Variants in ESYT3 observed in about 807,000 individuals in gnomAD.
ESYT3 encodes extended synaptotagmin-3.
ESYT3 carries 101 observed loss-of-function variants against 111.5 expected under a neutral mutation model. That is an observed-to-expected ratio of 0.91 (90% CI 0.77 to 1.07). The LOEUF (loss-of-function observed/expected upper bound fraction) is 1.07. Among genes scored for constraint, ESYT3 ranks in the 50% least tolerant of loss-of-function variants. The probability of loss-of-function intolerance (pLI) is 0.00; values close to 1 mark genes in which losing one functional copy is unlikely to be tolerated. For missense variants in ESYT3, 1,097 were observed against 1,109.4 expected, an observed-to-expected ratio of 0.99 and a Z score of 0.16; for synonymous variants, 416 against 446.8, an observed-to-expected ratio of 0.93 and a Z score of 0.87.
chr3:138,468,752 G>A lies in ESYT3; in HGVS notation c.1371+35G>A, dbSNP rs772602400. 16 of 1,613,424 alleles carry A rather than the reference G, an allele frequency of 9.9e-6. No individual in the cohort carries two copies. The South Asian group carries it at 1.1e-4, about 11-fold the overall frequency. On this transcript the variant is annotated intron_variant, in intron 13 of 22. Transcript: ENST00000389567. The stretch of plus-strand genomic sequence containing the variant: ...GACATGTCCAGAGTGTCACACAAAC[G>A]CAACAAAGTGCCCATCACTTTCAAA...
intron 21 of ESYT3, 57 bp from the exon 22 acceptor site, chr3:138,476,386 A>G: frequency 1.2e-6 from 2 of 1,605,094 alleles, no homozygotes; most frequent in Non-Finnish European, 1.7e-6. Flanking sequence ...GCCTTATCCC[A>G]ATTTCTTTCC....
In ESYT3 at chr3:138,477,249, C is replaced by A. The variant is rs2033528280; in HGVS notation, c.*395C>A. The A allele has an allele frequency of 6.3e-6, 1 of 159,088 alleles. No individual in the cohort carries two copies. The allele number at this position is 159,088 out of a possible 1,614,324, so 9.9% of individuals were successfully genotyped here. A position where few individuals can be genotyped will look rare whatever the true frequency, so the allele number is the denominator to read the frequency against. On this transcript the variant is annotated 3_prime_UTR_variant, in exon 23 of 23. Coordinates refer to ENST00000389567, the MANE Select transcript of ESYT3 (RefSeq NM_031913.5). ...AAGTGTCCTGCCTCTGGCATAGGGG[C>A]TGGGGGAGGTCTGTTTCTGGAGCCA...
intron 3 of ESYT3, 114 bp downstream of exon 3, chr3:138,455,442 G>A: frequency 1.7e-6 from 2 of 1,175,356 alleles, no homozygotes; most frequent in Non-Finnish European, 2.4e-6. Context: ...AGATCCCACT[G>A]GACCTTACAG....
In ESYT3 at chr3:138,435,439, C is replaced by A. The variant is rs2030586571; in HGVS notation, c.327+314C>A. ...ACACCCGGGAGAAAAACAAGGGCGT[C>A]TGGGACTTCGCAGACTTACTCGGGT... On this transcript the variant is annotated intron_variant, in intron 1 of 22. Transcript: ENST00000389567. The surrounding 1 kb of genome is among the most constrained non-coding windows in gnomAD (Gnocchi z 4.8). Among the ~76,000 whole-genome samples, 1 of 152,238 alleles carries A rather than the reference C, an allele frequency of 6.6e-6. No homozygotes were observed. Among genetic ancestry groups the A allele is most frequent in the South Asian group, 2.1e-4 (1 of 4,828 alleles).
chr3:138,450,130 A>G (rs889161596), intron 1 of ESYT3, among the ~76,000 whole-genome samples: 29 of 152,346 alleles, frequency 1.9e-4, no homozygotes, highest in African/African-American at 5.5e-4. Flanking sequence ...CAGACACACA[A>G]AATGACACAT....
At position 138,435,707 on chromosome 3, in the gene ESYT3, G is replaced by T. The variant is rs528683848; in HGVS notation, c.327+582G>T. Among the ~76,000 whole-genome samples, 1 of 151,974 alleles carries T rather than the reference G, an allele frequency of 6.6e-6. No individual in the cohort carries two copies. The highest frequency in any genetic ancestry group is 1.5e-5 in the Non-Finnish European group (1 of 68,000). Reference sequence around the variant, plus strand: ...CTCCCTCCCTCCGCCGGATAGGGATGCCGGCACACGCACACTGCCCCGACA... The same window carrying T: ...CTCCCTCCCTCCGCCGGATAGGGATTCCGGCACACGCACACTGCCCCGACA... On this transcript the variant is annotated intron_variant, in intron 1 of 22. Coordinates refer to ENST00000389567, the MANE Select transcript of ESYT3 (RefSeq NM_031913.5). This position sits in a 1 kb window ranked among gnomAD's most constrained non-coding sequence, Gnocchi z 4.8.
intron 11 of ESYT3, 28 bp from the exon 12 acceptor site, chr3:138,468,077 C>T (rs752353851): frequency 1.9e-6 from 3 of 1,611,288 alleles, no homozygotes; most frequent in South Asian, 1.1e-5. Context: ...TGGCCCTTTT[C>T]CCTGAGCTTT....
chr3:138,460,406 G>C (rs1366575996), intron 6 of ESYT3, among the ~76,000 whole-genome samples: 1 of 152,160 alleles, frequency 6.6e-6, no homozygotes, highest in African/African-American at 2.4e-5. Context: ...CTGGGCCCTC[G>C]ATACCGCTAG....
In ESYT3 at chr3:138,478,897, C is replaced by T. The variant is rs2033604564; in HGVS notation, c.*2043C>T. ...TTAACATCATCTTGGTACAGAAACC[C>T]CCAAACCTAAGACGGAATGTGAATA... is the stretch of plus-strand genomic sequence containing the variant. On this transcript the variant is annotated 3_prime_UTR_variant, in exon 23 of 23. Transcript: ENST00000389567. 1 of 151,994 alleles carries T rather than the reference C, an allele frequency of 6.6e-6. No individual in the cohort carries two copies. Among genetic ancestry groups the T allele is most frequent in the African/African-American group, 2.4e-5 (1 of 41,366 alleles). 9.4% of individuals were successfully genotyped at this position (151,994 alleles called of 1,614,324 possible).
chr3:138,447,734 G>T (rs2031637971), intron 1 of ESYT3, among the ~76,000 whole-genome samples: 1 of 152,110 alleles, frequency 6.6e-6, no homozygotes, highest in Admixed American at 6.5e-5. Flanking sequence ...AGGACTTTTA[G>T]AGAAAAAGAG....
At chr3:138,448,374 G>A (rs2031699668) in intron 1 of ESYT3, among the ~76,000 whole-genome samples, 1 of 150,960 alleles carries the variant, frequency 6.6e-6, no homozygotes, top group Admixed American at 6.6e-5. Context: ...GGAACAGGCC[G>A]ACTTATGGAG....
chr3:138,449,395 A>G (rs912998940), intron 1 of ESYT3, among the ~76,000 whole-genome samples: 2 of 151,900 alleles, frequency 1.3e-5, no homozygotes, highest in African/African-American at 4.8e-5. Flanking sequence ...CTTGCTTCCT[A>G]CATTTTCAGG....
intron 1 of ESYT3, among the ~76,000 whole-genome samples, chr3:138,443,934 C>T (rs1334709098): frequency 6.6e-6 from 1 of 152,158 alleles, no homozygotes; most frequent in Admixed American, 6.5e-5. Flanking sequence ...TGTGTGGACC[C>T]CACCAAAACC....
chr3:138,460,897 A>G (rs1671309126), intron 7 of ESYT3, among the ~76,000 whole-genome samples: 1 of 152,156 alleles, frequency 6.6e-6, no homozygotes, highest in African/African-American at 2.4e-5. Context: ...ACCACACACC[A>G]CACCCATGTA....
intron 14 of ESYT3, chr3:138,469,182 A>G (rs908693561): frequency 1.5e-5 from 9 of 594,036 alleles, no homozygotes; most frequent in Non-Finnish European, 2.1e-5. Context: ...AGGGAACGAG[A>G]GCCTGTGCCT....
At chr3:138,470,499 G>A (rs2033163880) in intron 16 of ESYT3, 1 of 1,111,350 alleles carries the variant, frequency 9.0e-7, no homozygotes, top group Non-Finnish European at 1.1e-6. Flanking sequence ...GATCTGTAGA[G>A]TAAGCAAAGA....
chr3:138,462,299 C>T (rs939431106), intron 8 of ESYT3, 93 bp downstream of exon 8: 27 of 1,542,210 alleles, frequency 1.8e-5, no homozygotes, highest in Middle Eastern at 3.4e-4. Context: ...CTTTATTTCA[C>T]ACTAATGCTT....
At position 138,468,194 on chromosome 3, in the gene ESYT3, G is replaced by A. The variant is rs2108624212; in HGVS notation, c.1308G>A (p.Glu436=). The part of the protein sequence containing the change: ...SLLTDQEVLT[E]DHGGLSTAIL... The stretch of plus-strand genomic sequence containing the variant: ...TTACTGACCAAGAAGTTCTGACTGA[G>A]GTGAGTGTGGGGTGTCAAGGGCTCC... The change falls in exon 12 of 23, where the codon GAG becomes GAA. Residue 436 remains glutamate (E), a splice_region_variant and synonymous_variant. Coordinates refer to ENST00000389567, the MANE Select transcript of ESYT3 (RefSeq NM_031913.5). 1 of 1,614,136 alleles carries A rather than the reference G, an allele frequency of 6.2e-7. No homozygotes were observed. Among genetic ancestry groups the A allele is most frequent in the East Asian group, 2.2e-5 (1 of 44,878 alleles).
chr3:138,472,314 TGTGGAA>T (rs779564608), intron 17 of ESYT3, 43 bp from the exon 18 acceptor site: 3 of 1,583,456 alleles, frequency 1.9e-6, no homozygotes, highest in Non-Finnish European at 2.6e-6. Context: ...TGGCTGAGGT[TGTGGAA>T]GTGGTGACTC....
Sources: allele counts gnomAD v4.1 joint callset (sites outside exome capture counted in the v4.1 genomes callset), GRCh38; gene constraint gnomAD v4.1.1; non-coding constraint Gnocchi (gnomAD v3.1); transcripts MANE v1.5; gene names NCBI Gene and HGNC (gene_info 2026-07-23, HGNC 2026-07-21).